The following C10orf67 variants were observed in gnomAD, a reference collection of about 807,000 sequenced individuals.
C10orf67 encodes uncharacterized protein C10orf67, mitochondrial.
Under a neutral mutation model 35.6 loss-of-function variants are expected in C10orf67, and 60 were observed. The observed-to-expected ratio is 1.68, with a 90% CI of 1.37 to 2.09. C10orf67 has a LOEUF of 2.09. Among genes scored for constraint, C10orf67 ranks in the 30% most tolerant of loss-of-function variants. The pLI is 0.00. For missense variants in C10orf67, 474 were observed against 330.2 expected (o/e 1.44, Z -3.38); for synonymous variants, 167 against 115.8 (o/e 1.44, Z -2.84).
At chr10:23,267,374 C>T (rs542090511) in intron 8 of C10orf67, 120 bp from the exon 9 acceptor site, 11 of 531,618 alleles carry the variant, frequency 2.1e-5, no homozygotes, top group Admixed American at 1.3e-4. Context: ...TCTCCCAAAA[C>T]GATTATGGGA....
chr10:23,332,545 A>G (rs1057433079), intron 2 of C10orf67, among the ~76,000 whole-genome samples: 23 of 152,066 alleles, frequency 1.5e-4, no homozygotes, highest in Non-Finnish European at 2.6e-4. Flanking sequence ...TTAGCTGGGC[A>G]TTGTGGCATG....
chr10:23,313,698 G>T (rs1844581617), intron 4 of C10orf67, among the ~76,000 whole-genome samples: 1 of 152,202 alleles, frequency 6.6e-6, no homozygotes, highest in South Asian at 2.1e-4. Context: ...GAGGAGAGCT[G>T]AGGGAAGCAG....
At chr10:23,338,692 T>A (rs1030915157) in intron 1 of C10orf67, among the ~76,000 whole-genome samples, 10 of 152,164 alleles carry the variant, frequency 6.6e-5, no homozygotes, top group Middle Eastern at 3.4e-3. Flanking sequence ...GTGGCTCGCC[T>A]AATAGGTTAA....
At chr10:23,242,112 C>T (rs1842198785) in intron 12 of C10orf67, among the ~76,000 whole-genome samples, 2 of 152,100 alleles carry the variant, frequency 1.3e-5, no homozygotes, top group African/African-American at 4.8e-5. Context: ...GCTGGGATTA[C>T]AGGTGCCTGC....
intron 8 of C10orf67, among the ~76,000 whole-genome samples, chr10:23,272,558 C>G (rs552313176): frequency 6.6e-6 from 1 of 152,290 alleles, no homozygotes; most frequent in African/African-American, 2.4e-5. Flanking sequence ...TATGTTTATC[C>G]TTATGCCAAG....
intron 13 of C10orf67, among the ~76,000 whole-genome samples, chr10:23,225,979 C>A (rs528739693): frequency 6.6e-6 from 1 of 152,166 alleles, no homozygotes; most frequent in African/African-American, 2.4e-5. Flanking sequence ...GACTCACACA[C>A]AATAATAATG....
At chr10:23,209,012 G>GCTT (rs1841234046) in intron 15 of C10orf67, among the ~76,000 whole-genome samples, 1 of 151,936 alleles carries the variant, frequency 6.6e-6, no homozygotes. Flanking sequence ...GCGAGACCAG[G>GCTT]CAGAAGACCC....
chr10:23,238,637 T>TA lies in C10orf67; in HGVS notation c.1434+1091dup, dbSNP rs560644214. On this transcript the variant is annotated intron_variant, in intron 13 of 15. Coordinates refer to ENST00000636213, the MANE Select transcript of C10orf67 (RefSeq NM_001371909.1). ...AGAAAAGGTTACCAGCTAATAATCA[T>TA]AAAAAAGCCTGATTTTGAGTGACAC... Among the ~76,000 whole-genome samples, 8 of 152,278 alleles carry TA rather than the reference T, an allele frequency of 5.3e-5. No individual in the cohort carries two copies. In the East Asian group the frequency reaches 7.7e-4, roughly 15 times the overall value.
intron 4 of C10orf67, among the ~76,000 whole-genome samples, chr10:23,314,866 C>T (rs1329277482): frequency 1.3e-5 from 2 of 152,124 alleles, no homozygotes; most frequent in Admixed American, 1.3e-4. Flanking sequence ...AACTCTTTAT[C>T]TTTGCTGTAT....
chr10:23,343,422 T>C (rs1158492358), intron 1 of C10orf67, among the ~76,000 whole-genome samples: 1 of 152,166 alleles, frequency 6.6e-6, no homozygotes, highest in Non-Finnish European at 1.5e-5. Flanking sequence ...AATCTGCCAG[T>C]GGGCTTCCCA....
rs551743648 is a variant in C10orf67, at chr10:23,309,702, T to C, written c.547-6243A>G. On this transcript the variant is annotated intron_variant, in intron 4 of 15. Coordinates refer to ENST00000636213, the MANE Select transcript of C10orf67 (RefSeq NM_001371909.1). ...TCACGGAAGTGCCCTGGGAAACTCA[T>C]TTAAAATCTCACCCAGGTACCACAC... is the stretch of plus-strand genomic sequence containing the variant. 1.1e-4 allele frequency among the ~76,000 whole-genome samples: 16 copies of C among 152,282 alleles called. No individual in the cohort carries two copies. The East Asian group carries it at 3.1e-3, about 29-fold the overall frequency.
At chr10:23,311,301 G>C (rs1188842143) in intron 4 of C10orf67, among the ~76,000 whole-genome samples, 1 of 152,174 alleles carries the variant, frequency 6.6e-6, no homozygotes. Flanking sequence ...TTCATCGAGA[G>C]GTTCTTTCTG....
intron 13 of C10orf67, among the ~76,000 whole-genome samples, chr10:23,230,432 G>A (rs939222933): frequency 6.6e-6 from 1 of 151,980 alleles, no homozygotes; most frequent in Non-Finnish European, 1.5e-5. Flanking sequence ...AGAAAAAAAT[G>A]TAAAGACAAA....
intron 13 of C10orf67, among the ~76,000 whole-genome samples, chr10:23,232,512 A>G (rs1841938870): frequency 6.6e-6 from 1 of 152,212 alleles, no homozygotes; most frequent in Non-Finnish European, 1.5e-5. Flanking sequence ...CACGGTATAC[A>G]TAAAAACACA....
chr10:23,228,810 T>A (rs1841821671), intron 13 of C10orf67, among the ~76,000 whole-genome samples: 1 of 152,124 alleles, frequency 6.6e-6, no homozygotes. Flanking sequence ...AAGACATTTA[T>A]GCAGCCAAAA....
At chr10:23,298,270 C>CA (rs1189208272) in intron 5 of C10orf67, among the ~76,000 whole-genome samples, 1 of 152,000 alleles carries the variant, frequency 6.6e-6, no homozygotes, top group Non-Finnish European at 1.5e-5. Context: ...AACAAACAAA[C>CA]AAAAAAATAA....
intron 5 of C10orf67, among the ~76,000 whole-genome samples, chr10:23,302,013 G>A (rs1033800805): frequency 1.8e-4 from 28 of 152,246 alleles, no homozygotes; most frequent in Admixed American, 1.4e-3. Context: ...CTGCGATGGC[G>A]GCAAACAGCA....
At chr10:23,239,138 G>A (rs192971622) in intron 13 of C10orf67, among the ~76,000 whole-genome samples, 4 of 152,208 alleles carry the variant, frequency 2.6e-5, no homozygotes, top group African/African-American at 7.2e-5. Flanking sequence ...AACAAAGTTT[G>A]TCTCATTTTG....
At chr10:23,218,275 G>A (rs1841482991) in intron 15 of C10orf67, among the ~76,000 whole-genome samples, 4 of 151,690 alleles carry the variant, frequency 2.6e-5, no homozygotes, top group Admixed American at 2.6e-4. Context: ...CTAGTAGCTG[G>A]GACTACAGGT....
Sources: gnomAD v4.1 joint callset for allele counts (sites outside exome capture counted in the v4.1 genomes callset) on GRCh38, gnomAD v4.1.1 for gene constraint, MANE v1.5 for transcripts, NCBI Gene and HGNC (gene_info 2026-07-23, HGNC 2026-07-21) for gene names.